Variants in CEP131 observed in about 807,000 individuals in gnomAD.
The protein encoded by CEP131 is centrosomal protein 131, also known as centrosomal protein of 131 kDa.
In CEP131, 99 loss-of-function variants were observed where a neutral mutation model predicts 136.8. The observed-to-expected ratio is 0.72, with a 90% CI of 0.62 to 0.86. The LOEUF is 0.86. CEP131 is among the 40% of genes least tolerant of loss of function. The probability of loss-of-function intolerance (pLI) is 0.00; values close to 1 mark genes in which losing one functional copy is unlikely to be tolerated. For synonymous variants in CEP131, 646 were observed against 612.7 expected, an observed-to-expected ratio of 1.05 and a Z score of -0.80; for missense variants, 1,459 against 1,463.0, an observed-to-expected ratio of 1.00 and a Z score of 0.04.
intron 2 of CEP131, among the ~76,000 whole-genome samples, chr17:81,217,790 AG>A (rs1470231992): frequency 6.6e-6 from 1 of 152,134 alleles, no homozygotes; most frequent in Non-Finnish European, 1.5e-5. Flanking sequence ...CGAGGAAAGG[AG>A]GGATCGATAT....
At chr17:81,221,069 G>A (rs1048969410) in intron 1 of CEP131, among the ~76,000 whole-genome samples, 4 of 143,206 alleles carry the variant, frequency 2.8e-5, no homozygotes, top group African/African-American at 5.1e-5. Context: ...AGTTTACAGT[G>A]AGCCAAGATC....
Position 81,219,231 on chromosome 17 carries a change from G to A in CEP131, c.177+649C>T, listed in dbSNP as rs936156828. On this transcript the variant is annotated intron_variant, in intron 2 of 25. Coordinates refer to ENST00000450824, the MANE Select transcript of CEP131 (RefSeq NM_014984.4). This position sits in a 1 kb window ranked among gnomAD's most constrained non-coding sequence, Gnocchi z 4.0. Reference sequence around the variant, plus strand: ...CTGCTGCCCACACACCCACACACCCGTCTAGGTTTCTCCAAGGCCACCAGG... The same window carrying A: ...CTGCTGCCCACACACCCACACACCCATCTAGGTTTCTCCAAGGCCACCAGG... Among the ~76,000 whole-genome samples, 3 of 151,380 alleles carry A rather than the reference G, an allele frequency of 2.0e-5. No individual in the cohort carries two copies. Among genetic ancestry groups the A allele is most frequent in the East Asian group, 3.9e-4 (2 of 5,144 alleles).
intron 5 of CEP131, among the ~76,000 whole-genome samples, chr17:81,204,552 G>A (rs142951598): frequency 6.6e-6 from 1 of 152,136 alleles, no homozygotes; most frequent in Non-Finnish European, 1.5e-5. Context: ...AACTCCTAGG[G>A]CCTCCCTTTT....
intron 7 of CEP131, among the ~76,000 whole-genome samples, chr17:81,201,970 G>A (rs947697856): frequency 1.3e-4 from 20 of 151,996 alleles, no homozygotes; most frequent in African/African-American, 3.1e-4. Flanking sequence ...GCGTGGTGGC[G>A]GGCACCTGTA....
Position 81,191,031 on chromosome 17 carries a change from G to A in CEP131, c.2819C>T (p.Ser940Leu), listed in dbSNP as rs143785213. 2.3e-5 allele frequency: 37 copies of A among 1,610,632 alleles called. 1 individual carries two copies. Among genetic ancestry groups the A allele is most frequent in the Middle Eastern group, 1.6e-4 (1 of 6,084 alleles). The change falls in exon 23 of 26, where the codon TCG becomes TTG. Residue 940 changes from serine (S) to leucine (L), a missense_variant. Physicochemically the swap from Ser to Leu is moderately radical, Grantham distance 145. Coordinates refer to ENST00000450824, the MANE Select transcript of CEP131 (RefSeq NM_014984.4). Reference protein sequence around the residue: ...YEAELSELEQSERKLQERCSE... With the variant: ...YEAELSELEQLERKLQERCSE... ...GCACCGCTCCTGAAGCTTCCGCTCC[G>A]ACTGCTCCAGCTCGGAGAGCTCGGC...
intron 7 of CEP131, among the ~76,000 whole-genome samples, chr17:81,201,955 G>A (rs1475021451): frequency 2.0e-5 from 3 of 152,040 alleles, no homozygotes; most frequent in Non-Finnish European, 4.4e-5. Flanking sequence ...CAAAAAATTA[G>A]CCAGGCGTGG....
At chr17:81,196,280 G>A (rs964778327) in intron 15 of CEP131, among the ~76,000 whole-genome samples, 5 of 152,316 alleles carry the variant, frequency 3.3e-5, no homozygotes, top group African/African-American at 1.2e-4. Flanking sequence ...GAGGCTCACT[G>A]TCTGCCAAAG....
At chr17:81,193,295 C>A (rs1375599199) in intron 18 of CEP131, among the ~76,000 whole-genome samples, 4 of 152,342 alleles carry the variant, frequency 2.6e-5, no homozygotes, top group African/African-American at 7.2e-5. Context: ...CTCGTCCTGA[C>A]CCCACCTTCG....
Position 81,199,471 on chromosome 17 carries a change from T to C in CEP131, c.1102A>G (p.Thr368Ala). 2.5e-6 allele frequency: 4 copies of C among 1,609,286 alleles called. No homozygotes were observed. Among genetic ancestry groups the C allele is most frequent in the Non-Finnish European group, 2.5e-6 (3 of 1,178,594 alleles). ...GGCTGCCGCATTCCTGGCACTCTGG[T>C]CTCCCTGGGATTCTCAGGTGGCCCA... ...ERGPPENPRE[T>A]RVPGMRQPAQ... Residue 368 changes from threonine to alanine, a missense_variant, in exon 10 of 26, where the codon ACC (threonine) becomes GCC (alanine). Thr to Ala is a moderately conservative substitution (Grantham distance 58, BLOSUM62 0). Around this residue, in one of 3 missense-constraint regions of CEP131, gnomAD observed 1,026 missense variants for 964.2 expected, o/e 1.06. Transcript: ENST00000450824.
intron 19 of CEP131, 65 bp downstream of exon 19, chr17:81,192,671 G>T: frequency 7.4e-7 from 1 of 1,355,262 alleles, no homozygotes; most frequent in East Asian, 2.4e-5. Context: ...CGGGTGAGGG[G>T]GCGGGGGGGA....
Position 81,191,059 on chromosome 17 carries a change from C to T in CEP131, c.2791G>A (p.Glu931Lys), listed in dbSNP as rs759559975. The T allele has an allele frequency of 5.0e-6, 8 of 1,607,062 alleles. No homozygotes were observed. The highest frequency in any genetic ancestry group is 2.7e-5 in the African/African-American group (2 of 74,806). ...SRIKRLRDKY[E>K]AELSELEQSE... ...TGCTCCAGCTCGGAGAGCTCGGCCTCGTACTTGTCCCGTAAGCGCTTGATG... is the reference window on the plus strand; with the variant it reads ...TGCTCCAGCTCGGAGAGCTCGGCCTTGTACTTGTCCCGTAAGCGCTTGATG... Residue 931 changes from glutamate to lysine, a missense_variant, in exon 23 of 26, where the codon GAG (glutamate) becomes AAG (lysine). This residue lies in a region of CEP131 where 1,026 missense variants were observed against 964.2 expected (regional missense o/e 1.06). Coordinates refer to ENST00000450824, the MANE Select transcript of CEP131 (RefSeq NM_014984.4).
At chr17:81,199,346 C>T in intron 10 of CEP131, 35 bp downstream of exon 10, 1 of 1,558,056 alleles carries the variant, frequency 6.4e-7, no homozygotes, top group Non-Finnish European at 8.7e-7. Flanking sequence ...TGCAGTCCAC[C>T]CCCCAGAGCA....
Position 81,196,685 on chromosome 17 carries a change from T to TC in CEP131, c.1899+15dup. 1 of 1,598,182 alleles carries TC rather than the reference T, an allele frequency of 6.3e-7. No individual in the cohort carries two copies. The highest frequency in any genetic ancestry group is 1.8e-4 in the Middle Eastern group (1 of 5,438). On this transcript the variant is annotated intron_variant, in intron 15 of 25. Transcript: ENST00000450824. The stretch of plus-strand genomic sequence containing the variant: ...ACGCGCTGGGTCCGGGCCTCTGCGC[T>TC]CCCCGGGCCGCTCACCTGGTCAATG...
intron 13 of CEP131, 127 bp downstream of exon 13, chr17:81,197,585 C>A: frequency 1.5e-6 from 2 of 1,364,308 alleles, no homozygotes; most frequent in Non-Finnish European, 1.9e-6. Flanking sequence ...TGGGGGCTGG[C>A]GAGAGACCTC....
chr17:81,207,027 C>T (rs2062022428), intron 4 of CEP131, 98 bp downstream of exon 4: 1 of 1,519,756 alleles, frequency 6.6e-7, no homozygotes, highest in East Asian at 2.3e-5. Context: ...GACACCCTCC[C>T]TGCAGTGCCC....
chr17:81,192,690 C>G, intron 19 of CEP131, 46 bp downstream of exon 19: 1 of 1,415,482 alleles, frequency 7.1e-7, no homozygotes, highest in Non-Finnish European at 9.7e-7. Context: ...GAGGGGTCAG[C>G]CAGCGAGGGG....
chr17:81,204,302 C>A (rs117416408), intron 5 of CEP131, among the ~76,000 whole-genome samples: 1 of 152,202 alleles, frequency 6.6e-6, no homozygotes, highest in Non-Finnish European at 1.5e-5. Flanking sequence ...CCCTCCCCAG[C>A]TGGCCCTGCA....
At chr17:81,200,528 C>T in intron 7 of CEP131, 82 bp from the exon 8 acceptor site, 4 of 1,073,376 alleles carry the variant, frequency 3.7e-6, no homozygotes, top group Non-Finnish European at 5.5e-6. Flanking sequence ...AAGGTCGAGC[C>T]GGGGAAGAGA....
Position 81,189,682 on chromosome 17 carries a change from A to G in CEP131, c.*87T>C. On this transcript the variant is annotated 3_prime_UTR_variant, in exon 26 of 26. Coordinates refer to ENST00000450824, the MANE Select transcript of CEP131 (RefSeq NM_014984.4). ...TCAACCACCAGCCTCTGTGGGGGGC[A>G]GGTGGGCGTCCCTGTGGGCCTCTGG... 1 of 1,350,734 alleles carries G rather than the reference A, an allele frequency of 7.4e-7. No homozygotes were observed. Among genetic ancestry groups the G allele is most frequent in the Non-Finnish European group, 1.0e-6 (1 of 995,914 alleles). 83.7% of individuals were successfully genotyped at this position (1,350,734 alleles called of 1,614,324 possible).
Sources: gnomAD v4.1 joint callset for allele counts (sites outside exome capture counted in the v4.1 genomes callset) on GRCh38, gnomAD v4.1.1 for gene constraint, gnomAD v4.1.1 regional missense constraint, Gnocchi (gnomAD v3.1) non-coding constraint, MANE v1.5 for transcripts, NCBI Gene and HGNC (gene_info 2026-07-23, HGNC 2026-07-21) for gene names.